The following TMEM200A variants were observed in gnomAD, a reference collection of about 807,000 sequenced individuals.
TMEM200A encodes the protein transmembrane protein 200A, also known as two transmembrane C.
TMEM200A carries 12 observed loss-of-function variants against 24.3 expected under a neutral mutation model. The ratio of observed to expected loss-of-function variants is 0.49; its 90% CI spans 0.32 to 0.80. The LOEUF is 0.80. TMEM200A is among the 30% of genes least tolerant of loss of function. The pLI is 0.04. For synonymous variants in TMEM200A, 224 were observed against 224.4 expected, an observed-to-expected ratio of 1.00 and a Z score of 0.02; for missense variants, 545 against 614.4, an observed-to-expected ratio of 0.89 and a Z score of 1.19.
chr6:130,372,591 C>T (rs1488884763), intron 1 of TMEM200A, among the ~76,000 whole-genome samples: 2 of 152,162 alleles, frequency 1.3e-5, no homozygotes, highest in Non-Finnish European at 2.9e-5. Context: ...CTCGCTAGCA[C>T]ATGCTGAATG....
intron 1 of TMEM200A, among the ~76,000 whole-genome samples, chr6:130,382,329 G>A (rs73611669): frequency 0.059 from 8,945 of 152,140 alleles, 868 homozygotes; most frequent in African/African-American, 0.2. Context: ...TCTCCATTCC[G>A]TCTCACCTGG....
At chr6:130,372,230 G>T (rs558084915) in intron 1 of TMEM200A, among the ~76,000 whole-genome samples, 67 of 152,286 alleles carry the variant, frequency 4.4e-4, no homozygotes, top group African/African-American at 1.6e-3. Context: ...GAAATCAGGA[G>T]GGGCATATGG....
In TMEM200A at chr6:130,439,188, G is replaced by A. The variant is rs190142281; in HGVS notation, c.-16-1219G>A. 21 of 152,294 alleles carry A rather than the reference G, an allele frequency of 1.4e-4. No homozygotes were observed. The East Asian group carries it at 3.5e-3, about 25-fold the overall frequency. The allele number at this position is 152,294 out of a possible 1,614,324, so 9.4% of individuals were successfully genotyped here. ...TCTTTAAACAACTTCAGAGATGATT[G>A]ATTAATCTTGATTGTAAAGGAAGAG... On this transcript the variant is annotated intron_variant, in intron 2 of 2. Coordinates refer to ENST00000296978, the MANE Select transcript of TMEM200A (RefSeq NM_001258277.2).
Position 130,421,721 on chromosome 6 carries a change from C to T in TMEM200A, c.-16-18686C>T, listed in dbSNP as rs75806664. Among the ~76,000 whole-genome samples, 420 of 152,226 alleles carry T rather than the reference C, an allele frequency of 2.8e-3. 2 individuals are homozygous for T. The highest frequency in any genetic ancestry group is 4.1e-3 in the Non-Finnish European group (278 of 68,010). ...TTCCTCCCTTCACCCCTGGTCACCA[C>T]CATTCTACTCTCTGCTTCTATGAAC... On this transcript the variant is annotated intron_variant, in intron 2 of 2. Coordinates refer to ENST00000296978, the MANE Select transcript of TMEM200A (RefSeq NM_001258277.2).
chr6:130,405,920 G>A (rs372579699), intron 2 of TMEM200A, among the ~76,000 whole-genome samples: 1 of 152,182 alleles, frequency 6.6e-6, no homozygotes, highest in East Asian at 1.9e-4. Flanking sequence ...CCCTGCCCAT[G>A]TTTGACTAGG....
intron 2 of TMEM200A, among the ~76,000 whole-genome samples, chr6:130,387,539 C>A (rs1157068469): frequency 6.6e-6 from 1 of 152,190 alleles, no homozygotes; most frequent in Non-Finnish European, 1.5e-5. Context: ...TCCCAAAGTG[C>A]TGGGATTACA....
intron 2 of TMEM200A, among the ~76,000 whole-genome samples, chr6:130,409,186 G>A (rs1779277440): frequency 6.6e-6 from 1 of 151,886 alleles, no homozygotes; most frequent in Non-Finnish European, 1.5e-5. Context: ...TTCTTTATCT[G>A]TCACAGGTGT....
At chr6:130,368,903 T>G (rs1778245787) in intron 1 of TMEM200A, among the ~76,000 whole-genome samples, 1 of 152,226 alleles carries the variant, frequency 6.6e-6, no homozygotes, top group East Asian at 1.9e-4. Flanking sequence ...TGCCCTTATC[T>G]GCAGAATGAG....
chr6:130,382,545 G>T (rs760473484), intron 1 of TMEM200A, among the ~76,000 whole-genome samples: 6 of 152,178 alleles, frequency 3.9e-5, no homozygotes, highest in Admixed American at 6.5e-5. Context: ...CATGCCAGCA[G>T]ATAAGCTTGT....
intron 2 of TMEM200A, among the ~76,000 whole-genome samples, chr6:130,403,805 C>G (rs1779144448): frequency 6.6e-6 from 1 of 152,028 alleles, no homozygotes; most frequent in Non-Finnish European, 1.5e-5. Context: ...GTTATTTTTC[C>G]TGATTCTCTC....
chr6:130,379,611 A>T (rs1354673020), intron 1 of TMEM200A, among the ~76,000 whole-genome samples: 1 of 152,210 alleles, frequency 6.6e-6, no homozygotes, highest in African/African-American at 2.4e-5. Flanking sequence ...GGTGAAGCAG[A>T]GGATACAAAA....
At chr6:130,416,315 TTCTCTCTCTCTG>T (rs143753099) in intron 2 of TMEM200A, among the ~76,000 whole-genome samples, 12,668 of 149,810 alleles carry the variant, frequency 0.085, 1,206 homozygotes, top group African/African-American at 0.23. Flanking sequence ...TAGGATGGAT[TTCTCTCTCTCTG>T]TCTCTCTCTC....
chr6:130,439,708 T>C (rs1373752564), intron 2 of TMEM200A, among the ~76,000 whole-genome samples: 5 of 152,144 alleles, frequency 3.3e-5, no homozygotes, highest in Non-Finnish European at 7.4e-5. Flanking sequence ...GGTGAGTCTG[T>C]TGAAATAGTC....
rs149968728 is a variant in TMEM200A, at chr6:130,398,086, G to A, written c.-17+12850G>A. The stretch of plus-strand genomic sequence containing the variant: ...ATTCTATCACCCAGGTAGTGATATA[G>A]TACCTGATAGGTAGTTTTCCAACCC... On this transcript the variant is annotated intron_variant, in intron 2 of 2. Coordinates refer to ENST00000296978, the MANE Select transcript of TMEM200A (RefSeq NM_001258277.2). Among the ~76,000 whole-genome samples the A allele has an allele frequency of 2.3e-3, 355 of 152,110 alleles. 1 individual carries two copies. The highest frequency in any genetic ancestry group is 8.2e-3 in the African/African-American group (340 of 41,512).
Position 130,416,315 on chromosome 6 carries a change from TTCTC to T in TMEM200A, c.-16-24084_-16-24081del, listed in dbSNP as rs369329752. Among the ~76,000 whole-genome samples, 770 of 149,870 alleles carry T rather than the reference TTCTC, an allele frequency of 5.1e-3. 9 individuals carry two copies. Among genetic ancestry groups the T allele is most frequent in the African/African-American group, 0.016 (662 of 41,126 alleles). ...TTTTAGTTTTGATTATAGGATGGAT[TTCTC>T]TCTCTCTGTCTCTCTCTCTGTGTGT... On this transcript the variant is annotated intron_variant, in intron 2 of 2. Transcript: ENST00000296978.
intron 2 of TMEM200A, among the ~76,000 whole-genome samples, chr6:130,432,973 T>C (rs1562571808): frequency 1.3e-5 from 2 of 152,192 alleles, no homozygotes; most frequent in East Asian, 1.9e-4. Flanking sequence ...AAGTGCACCA[T>C]ATACTGTGTA....
intron 1 of TMEM200A, among the ~76,000 whole-genome samples, chr6:130,378,722 C>CAAAAA (rs56819618): frequency 1.8e-5 from 1 of 56,364 alleles, no homozygotes; most frequent in African/African-American, 5.8e-5. Flanking sequence ...GACTCCGTCT[C>CAAAAA]AAAAAAAAAA....
chr6:130,432,222 C>A (rs1457138240), intron 2 of TMEM200A, among the ~76,000 whole-genome samples: 2 of 152,272 alleles, frequency 1.3e-5, no homozygotes, highest in East Asian at 3.9e-4. Flanking sequence ...CAGAATAGTG[C>A]GTGCAGAATT....
intron 2 of TMEM200A, among the ~76,000 whole-genome samples, chr6:130,401,062 G>A (rs1311353386): frequency 6.6e-6 from 1 of 151,946 alleles, no homozygotes; most frequent in Admixed American, 6.6e-5. Context: ...ATGGGGAGTG[G>A]GGATGTCTCT....
Sources: allele counts gnomAD v4.1 joint callset (sites outside exome capture counted in the v4.1 genomes callset), GRCh38; gene constraint gnomAD v4.1.1; transcripts MANE v1.5; gene names NCBI Gene and HGNC (gene_info 2026-07-23, HGNC 2026-07-21).